TXK: variants seen among roughly 807,000 people sequenced by gnomAD.
The protein encoded by TXK is tyrosine-protein kinase TXK.
TXK carries 60 observed loss-of-function variants against 81.0 expected under a neutral mutation model. The observed-to-expected ratio is 0.74, with a 90% confidence interval of 0.60 to 0.92. The LOEUF (loss-of-function observed/expected upper bound fraction) is 0.92. Ranked by LOEUF, TXK falls within the 40% of genes least tolerant of loss-of-function variation. The probability of loss-of-function intolerance (pLI) is 0.00; values close to 1 mark genes in which losing one functional copy is unlikely to be tolerated. For synonymous variants in TXK, 203 were observed against 210.7 expected, an observed-to-expected ratio of 0.96 and a Z score of 0.32; for missense variants, 581 against 638.3, an observed-to-expected ratio of 0.91 and a Z score of 0.97.
intron 1 of TXK, among the ~76,000 whole-genome samples, chr4:48,115,526 T>C (rs1265495486): frequency 6.6e-6 from 1 of 152,164 alleles, no homozygotes; most frequent in Non-Finnish European, 1.5e-5. Flanking sequence ...TTCATCTTTA[T>C]TGAAGTGAGA....
At chr4:48,109,542 GAA>G (rs1308214141) in intron 5 of TXK, 1 of 152,268 alleles carries the variant, frequency 6.6e-6, no homozygotes, top group Non-Finnish European at 1.5e-5. Flanking sequence ...GGAAAAGAGA[GAA>G]GAGATCCTAT....
intron 12 of TXK, among the ~76,000 whole-genome samples, chr4:48,075,430 T>TC (rs1245172405): frequency 1.3e-5 from 2 of 151,872 alleles, no homozygotes; most frequent in Non-Finnish European, 2.9e-5. Flanking sequence ...GGTGGGTGGA[T>TC]ATTTGATGTC....
intron 8 of TXK, among the ~76,000 whole-genome samples, chr4:48,091,175 T>C (rs190733044): frequency 1.3e-5 from 2 of 152,316 alleles, no homozygotes; most frequent in Admixed American, 1.3e-4. Context: ...AAAGAGCACT[T>C]GACACATTGT....
At chr4:48,072,803 G>A (rs551038178) in intron 13 of TXK, among the ~76,000 whole-genome samples, 332 of 152,172 alleles carry the variant, frequency 2.2e-3, no homozygotes, top group Middle Eastern at 6.8e-3. Flanking sequence ...TCTAAGATGT[G>A]GTCTCACAAC....
chr4:48,117,488 C>T (rs905968217), intron 1 of TXK, among the ~76,000 whole-genome samples: 1 of 152,150 alleles, frequency 6.6e-6, no homozygotes, highest in Non-Finnish European at 1.5e-5. Context: ...CTACATTGAC[C>T]CCCTTCAGGG....
intron 4 of TXK, among the ~76,000 whole-genome samples, chr4:48,111,518 C>A (rs1294421187): frequency 6.6e-6 from 1 of 152,160 alleles, no homozygotes; most frequent in Admixed American, 6.5e-5. Flanking sequence ...CTGAGGCATG[C>A]CAATAGTATA....
At chr4:48,098,224 C>A (rs1423794406) in intron 6 of TXK, among the ~76,000 whole-genome samples, 1 of 152,150 alleles carries the variant, frequency 6.6e-6, no homozygotes, top group Non-Finnish European at 1.5e-5. Flanking sequence ...ACCGCCAGAA[C>A]TGTGCACAAA....
intron 8 of TXK, among the ~76,000 whole-genome samples, chr4:48,090,162 G>T (rs1185195068): frequency 6.6e-6 from 1 of 152,134 alleles, no homozygotes; most frequent in Non-Finnish European, 1.5e-5. Context: ...ATATTTTGCA[G>T]AAATATAAAT....
chr4:48,132,421 T>C (rs1719268398), intron 1 of TXK, among the ~76,000 whole-genome samples: 1 of 152,182 alleles, frequency 6.6e-6, no homozygotes, highest in Non-Finnish European at 1.5e-5. Flanking sequence ...ATTGTTTCTT[T>C]ATATTTTGTT....
Position 48,106,850 on chromosome 4 carries a change from A to C in TXK, c.447-1895T>G, listed in dbSNP as rs1014341176. Among the ~76,000 whole-genome samples the C allele has an allele frequency of 3.9e-5, 6 of 152,176 alleles. No homozygotes were observed. In the South Asian group the frequency reaches 1.2e-3, roughly 32 times the overall value. On this transcript the variant is annotated intron_variant, in intron 5 of 14. Transcript: ENST00000264316. ...CTGGCATATTAGATATTTGCCTCTG[A>C]TTTAAAAGGCATAATTAATTTTAAA...
intron 1 of TXK, among the ~76,000 whole-genome samples, chr4:48,124,685 C>T (rs1469334014): frequency 3.3e-5 from 5 of 152,158 alleles, no homozygotes; most frequent in Admixed American, 6.5e-5. Flanking sequence ...ACTGAGCTTC[C>T]GGAGCTTTAG....
chr4:48,080,236 T>G, intron 10 of TXK, 108 bp from the exon 11 acceptor site: 1 of 897,398 alleles, frequency 1.1e-6, no homozygotes, highest in East Asian at 2.6e-5. Flanking sequence ...ATTATCAAGA[T>G]AAGATAAAAA....
chr4:48,128,583 T>TTTTTA (rs1719156459), intron 1 of TXK, among the ~76,000 whole-genome samples: 1 of 144,802 alleles, frequency 6.9e-6, no homozygotes, highest in African/African-American at 2.6e-5. Context: ...TTTTTTTTTT[T>TTTTTA]GAGATGGAGT....
intron 6 of TXK, among the ~76,000 whole-genome samples, chr4:48,101,439 T>C (rs1403471120): frequency 6.6e-6 from 1 of 152,122 alleles, no homozygotes; most frequent in African/African-American, 2.4e-5. Context: ...GTAACCTTTA[T>C]ACTAAAACCA....
Position 48,090,612 on chromosome 4 carries a change from T to C in TXK, c.710-788A>G, listed in dbSNP as rs528870605. 3.9e-5 allele frequency among the ~76,000 whole-genome samples: 6 copies of C among 152,336 alleles called. No homozygotes were observed. In the South Asian group the frequency reaches 1.2e-3, roughly 32 times the overall value. ...GTTCAGCTAATATTTATTAAAAGCC[T>C]GGTATGCGCTTTCAATAAAAGCTTT... On this transcript the variant is annotated intron_variant, in intron 8 of 14. Coordinates refer to ENST00000264316, the MANE Select transcript of TXK (RefSeq NM_003328.3).
chr4:48,091,586 A>G (rs1577661214), intron 8 of TXK, among the ~76,000 whole-genome samples: 1 of 151,662 alleles, frequency 6.6e-6, no homozygotes, highest in East Asian at 1.9e-4. Context: ...GATCACTGCA[A>G]CCTCCGCCTC....
chr4:48,077,592 A>G (rs1717121591), intron 11 of TXK, among the ~76,000 whole-genome samples: 1 of 152,108 alleles, frequency 6.6e-6, no homozygotes, highest in Admixed American at 6.5e-5. Context: ...ACTTTCACCC[A>G]ATTGTTATCC....
chr4:48,104,308 A>AAT (rs1231188142), intron 6 of TXK, among the ~76,000 whole-genome samples: 2 of 6,932 alleles, frequency 2.9e-4, no homozygotes, highest in Non-Finnish European at 3.7e-4. Context: ...TATAATATAT[A>AAT]ATATATATAA....
intron 1 of TXK, among the ~76,000 whole-genome samples, chr4:48,129,315 A>C (rs376228233): frequency 1.4e-4 from 22 of 152,328 alleles, no homozygotes; most frequent in African/African-American, 5.1e-4. Flanking sequence ...ATAAGTGAGT[A>C]ATTTGTGTTA....
Sources: gnomAD v4.1 joint callset for allele counts (sites outside exome capture counted in the v4.1 genomes callset) on GRCh38, gnomAD v4.1.1 for gene constraint, MANE v1.5 for transcripts, NCBI Gene and HGNC (gene_info 2026-07-23, HGNC 2026-07-21) for gene names.